The following RPTOR variants were observed in gnomAD, a reference collection of about 807,000 sequenced individuals.
RPTOR encodes regulatory associated protein of MTOR complex 1.
A neutral mutation model predicts 169.9 loss-of-function variants in RPTOR; 21 were observed. The ratio of observed to expected loss-of-function variants is 0.12; its 90% CI spans 0.09 to 0.18. The LOEUF is 0.18. RPTOR is among the 10% of genes least tolerant of loss of function. The probability of loss-of-function intolerance (pLI) is 1.00; values close to 1 mark genes in which losing one functional copy is unlikely to be tolerated. For missense variants in RPTOR, 1,133 were observed against 1,855.9 expected, an observed-to-expected ratio of 0.61 and a Z score of 7.16; for synonymous variants, 732 against 753.2, an observed-to-expected ratio of 0.97 and a Z score of 0.46.
intron 5 of RPTOR, 21 bp from the exon 6 acceptor site, chr17:80,753,988 TC>T (rs2066655522): frequency 6.2e-7 from 1 of 1,603,040 alleles, no homozygotes; most frequent in Admixed American, 1.7e-5. Context: ...CACTCTCTTT[TC>T]CCGAATGTTC....
chr17:80,663,405 T>C (rs2065739437), intron 3 of RPTOR, among the ~76,000 whole-genome samples: 1 of 90,316 alleles, frequency 1.1e-5, no homozygotes. Flanking sequence ...ATCATCTCTT[T>C]CTTTGCAAAG....
chr17:80,874,318 T>C (rs1487372678), intron 13 of RPTOR, among the ~76,000 whole-genome samples: 1 of 151,760 alleles, frequency 6.6e-6, no homozygotes, highest in Non-Finnish European at 1.5e-5. Context: ...TGCCTCAGCC[T>C]CCCAAGTAAC....
chr17:80,796,520 G>A (rs968859231), intron 7 of RPTOR, among the ~76,000 whole-genome samples: 10 of 152,170 alleles, frequency 6.6e-5, no homozygotes, highest in South Asian at 4.1e-4. Flanking sequence ...TTAAGCCATC[G>A]GATCTTGTGA....
chr17:80,869,093 G>A (rs556408493), intron 13 of RPTOR, among the ~76,000 whole-genome samples: 8 of 152,252 alleles, frequency 5.3e-5, no homozygotes, highest in Admixed American at 4.6e-4. Context: ...TCAATGAAGC[G>A]GCTAAAAAAC....
chr17:80,836,246 C>T (rs986786296), intron 9 of RPTOR, among the ~76,000 whole-genome samples: 2 of 152,248 alleles, frequency 1.3e-5, no homozygotes, highest in African/African-American at 2.4e-5. Flanking sequence ...TCATGGCTCC[C>T]GGTCAGATCT....
At chr17:80,641,614 G>A (rs2065554869) in intron 2 of RPTOR, among the ~76,000 whole-genome samples, 1 of 152,232 alleles carries the variant, frequency 6.6e-6, no homozygotes. Context: ...GGTGTCCAGT[G>A]CATATAAAAG....
chr17:80,632,227 G>A (rs1287952473), intron 2 of RPTOR, among the ~76,000 whole-genome samples: 2 of 152,122 alleles, frequency 1.3e-5, no homozygotes, highest in East Asian at 3.8e-4. Flanking sequence ...TCCGTCCCTC[G>A]TCACAGCTGA....
intron 24 of RPTOR, among the ~76,000 whole-genome samples, chr17:80,932,802 G>GAC (rs1312076403): frequency 1.3e-5 from 2 of 152,074 alleles, no homozygotes; most frequent in Non-Finnish European, 2.9e-5. Flanking sequence ...GGTATATACA[G>GAC]ACACACACAT....
intron 3 of RPTOR, among the ~76,000 whole-genome samples, chr17:80,652,003 C>T (rs1397059498): frequency 5.0e-5 from 6 of 119,940 alleles, no homozygotes; most frequent in African/African-American, 1.6e-4. Context: ...CGTGAGACTC[C>T]GTCTCAAAAA....
intron 5 of RPTOR, among the ~76,000 whole-genome samples, chr17:80,748,289 G>A (rs57589100): frequency 5.2e-4 from 1 of 1,918 alleles, no homozygotes; most frequent in Non-Finnish European, 8.5e-4. Flanking sequence ...GGGTGGATGG[G>A]GGGGCTGCGG....
intron 1 of RPTOR, among the ~76,000 whole-genome samples, chr17:80,558,886 GA>G (rs2084443856): frequency 6.6e-6 from 1 of 152,138 alleles, no homozygotes; most frequent in Non-Finnish European, 1.5e-5. Flanking sequence ...TTAATCTAAA[GA>G]AGTCTCTCAG....
Position 80,754,022 on chromosome 17 carries a change from A to C in RPTOR, c.667A>C (p.Asn223His), listed in dbSNP as rs1040497651. The C allele has an allele frequency of 6.2e-7, 1 of 1,613,000 alleles. No homozygotes were observed. Among genetic ancestry groups the C allele is most frequent in the African/African-American group, 1.3e-5 (1 of 75,026 alleles). Reference protein sequence around the residue: ...REQELEVAAINPNHPLAQMPL... With the variant: ...REQELEVAAIHPNHPLAQMPL... ...TTCTGCCCTTCAGGTAGCTGCAATC[A>C]ACCCAAATCACCCTCTTGCTCAGAT... is the stretch of plus-strand genomic sequence containing the variant. Residue 223 changes from asparagine to histidine, a missense_variant, in exon 6 of 34, where the codon AAC (asparagine) becomes CAC (histidine). By Grantham distance (68) the Asn-to-His change is moderately conservative. This residue lies in a region of RPTOR where 35 missense variants were observed against 31.8 expected (regional missense o/e 1.10). Coordinates refer to ENST00000306801, the MANE Select transcript of RPTOR (RefSeq NM_020761.3). This position sits in a 1 kb window ranked among gnomAD's most constrained non-coding sequence, Gnocchi z 4.2.
intron 13 of RPTOR, among the ~76,000 whole-genome samples, chr17:80,872,611 AGTTGTATCAGCTGCCTCCGG>A: frequency 6.6e-6 from 1 of 152,218 alleles, no homozygotes; most frequent in Non-Finnish European, 1.5e-5. Flanking sequence ...GGAGGGAGAC[AGTTGTATCAGCTGCCTCCGG>A]GTTGCCAAGA....
intron 3 of RPTOR, among the ~76,000 whole-genome samples, chr17:80,699,212 G>A (rs1299478808): frequency 6.6e-6 from 1 of 152,252 alleles, no homozygotes; most frequent in African/African-American, 2.4e-5. Context: ...CCAATAGGAA[G>A]TATTTATTCA....
At position 80,878,867 on chromosome 17, in the gene RPTOR, G is replaced by A. The variant is rs1191060938; in HGVS notation, c.1510-1548G>A. Among the ~76,000 whole-genome samples, 1 of 152,148 alleles carries A rather than the reference G, an allele frequency of 6.6e-6. No homozygotes were observed. The highest frequency in any genetic ancestry group is 1.5e-5 in the Non-Finnish European group (1 of 68,032). Reference sequence around the variant, plus strand: ...GTCCCCAAGTTAGGCAGCCTGGTGTGGCTTCCGGTAACACTGCCAGCCTCA... The same window carrying A: ...GTCCCCAAGTTAGGCAGCCTGGTGTAGCTTCCGGTAACACTGCCAGCCTCA... On this transcript the variant is annotated intron_variant, in intron 13 of 33. Coordinates refer to ENST00000306801, the MANE Select transcript of RPTOR (RefSeq NM_020761.3). This position sits in a 1 kb window ranked among gnomAD's most constrained non-coding sequence, Gnocchi z 4.1.
intron 5 of RPTOR, among the ~76,000 whole-genome samples, chr17:80,734,494 A>T (rs1236687335): frequency 6.6e-6 from 1 of 152,252 alleles, no homozygotes; most frequent in Non-Finnish European, 1.5e-5. Context: ...GAAGCAGTGG[A>T]AGTAATGAAA....
At chr17:80,559,378 T>G (rs974987589) in intron 1 of RPTOR, among the ~76,000 whole-genome samples, 1 of 152,178 alleles carries the variant, frequency 6.6e-6, no homozygotes, top group South Asian at 2.1e-4. Flanking sequence ...TTGCCATACC[T>G]GTTTGGGAGC....
chr17:80,586,523 G>A (rs1242860408), intron 1 of RPTOR, among the ~76,000 whole-genome samples: 1 of 152,216 alleles, frequency 6.6e-6, no homozygotes, highest in Non-Finnish European at 1.5e-5. Context: ...GAAAGTTTGG[G>A]CCATGGTGGT....
chr17:80,832,863 T>C (rs919314007), intron 9 of RPTOR, among the ~76,000 whole-genome samples: 1 of 152,184 alleles, frequency 6.6e-6, no homozygotes, highest in Admixed American at 6.5e-5. Context: ...TGGGTGGTGA[T>C]GGAGAGGTTG....
Sources: allele counts gnomAD v4.1 joint callset (sites outside exome capture counted in the v4.1 genomes callset), GRCh38; gene constraint gnomAD v4.1.1; regional missense constraint gnomAD v4.1.1; non-coding constraint Gnocchi (gnomAD v3.1); transcripts MANE v1.5; gene names NCBI Gene and HGNC (gene_info 2026-07-23, HGNC 2026-07-21).